BDP1: variants seen among roughly 807,000 people sequenced by gnomAD.
The protein encoded by BDP1 is BDP1 general transcription factor IIIB subunit.
BDP1 carries 169 observed loss-of-function variants against 266.6 expected under a neutral mutation model. That is an observed-to-expected ratio of 0.63 (90% CI 0.56 to 0.72). The LOEUF is 0.72. BDP1 is among the 30% of genes least tolerant of loss of function. The pLI is 0.00. For missense variants in BDP1, 3,015 were observed against 3,053.8 expected (o/e 0.99, Z 0.30); for synonymous variants, 1,090 against 1,022.4 (o/e 1.07, Z -1.26).
At chr5:71,562,225 A>ATTTTT in intron 37 of BDP1, 49 bp from the exon 38 acceptor site, 6 of 1,014,964 alleles carry the variant, frequency 5.9e-6, no homozygotes, top group Non-Finnish European at 8.4e-6. Context: ...AAAAAAAAAG[A>ATTTTT]ATGTGTCTTC....
chr5:71,535,691 C>G (rs1766554063), intron 26 of BDP1, among the ~76,000 whole-genome samples: 1 of 152,110 alleles, frequency 6.6e-6, no homozygotes, highest in African/African-American at 2.4e-5. Flanking sequence ...TCTGGAGGCT[C>G]TGAGGAAGAA....
chr5:71,494,219 CAT>C (rs1763748119), intron 11 of BDP1, among the ~76,000 whole-genome samples: 2 of 151,944 alleles, frequency 1.3e-5, no homozygotes, highest in East Asian at 3.8e-4. Context: ...GTCAGGAAAA[CAT>C]AAACACCTAG....
At position 71,461,775 on chromosome 5, in the gene BDP1, T is replaced by C. The variant is rs756786074; in HGVS notation, c.490-42T>C. 26 of 1,160,604 alleles carry C rather than the reference T, an allele frequency of 2.2e-5. No homozygotes were observed. The Admixed American group carries it at 5.3e-4, about 24-fold the overall frequency. 71.9% of individuals were successfully genotyped at this position (1,160,604 alleles called of 1,614,324 possible). A position where few individuals can be genotyped will look rare whatever the true frequency, so the allele number is the denominator to read the frequency against. On this transcript the variant is annotated intron_variant, in intron 2 of 38. Transcript: ENST00000358731. ...TTTGCATATAGTACATCTGAAATTC[T>C]TTAATATTTATAAAAGTGGATCTGT...
chr5:71,542,732 T>C (rs926521874), intron 30 of BDP1, among the ~76,000 whole-genome samples: 1 of 152,040 alleles, frequency 6.6e-6, no homozygotes, highest in Non-Finnish European at 1.5e-5. Context: ...GTATAACTTT[T>C]GACTCCCCAA....
Position 71,510,766 on chromosome 5 carries a change from C to G in BDP1, c.3674C>G (p.Thr1225Arg). 6.2e-7 allele frequency: 1 copy of G among 1,613,978 alleles called. No individual in the cohort carries two copies. The highest frequency in any genetic ancestry group is 1.1e-5 in the South Asian group (1 of 91,058). ...GTCAAGCCTGTAGGTAAAATGGAGACAGATTTGAAAGAAATTAGAGAAGAA... is the reference window on the plus strand; with the variant it reads ...GTCAAGCCTGTAGGTAAAATGGAGAGAGATTTGAAAGAAATTAGAGAAGAA... ...EEVKPVGKME[T>R]DLKEIREEIS... The change falls in exon 17 of 39, where the codon ACA (threonine) becomes AGA (arginine). Residue 1225 changes from threonine (T) to arginine (R), a missense_variant. Thr to Arg is a moderately conservative substitution (Grantham distance 71, BLOSUM62 -1). Transcript: ENST00000358731.
intron 34 of BDP1, among the ~76,000 whole-genome samples, chr5:71,550,466 AT>A (rs79905199): frequency 0.4 from 48,572 of 122,648 alleles, 8,495 homozygotes; most frequent in East Asian, 0.57. Context: ...TTAAAAAAAA[AT>A]TTTTTTTTTC....
chr5:71,530,052 CTG>C (rs1482519359), intron 25 of BDP1, among the ~76,000 whole-genome samples: 4 of 151,958 alleles, frequency 2.6e-5, no homozygotes, highest in Non-Finnish European at 5.9e-5. Context: ...AGTGGGTTAA[CTG>C]TATGTTATGT....
chr5:71,565,995 A>C lies in BDP1; in HGVS notation c.*1110A>C, dbSNP rs1234750584. ...CAGATTGTAGATAAAGAAGGCATTAAATTTATGTTTGTCTCCTTTTTCTGT... is the reference window on the plus strand; with the variant it reads ...CAGATTGTAGATAAAGAAGGCATTACATTTATGTTTGTCTCCTTTTTCTGT... On this transcript the variant is annotated 3_prime_UTR_variant, in exon 39 of 39. Coordinates refer to ENST00000358731, the MANE Select transcript of BDP1 (RefSeq NM_018429.3). The C allele has an allele frequency of 9.0e-6, 2 of 220,996 alleles. No homozygotes were observed. The highest frequency in any genetic ancestry group is 4.7e-5 in the African/African-American group (2 of 42,678). 13.7% of individuals were successfully genotyped at this position (220,996 alleles called of 1,614,324 possible).
intron 13 of BDP1, 70 bp downstream of exon 13, chr5:71,497,496 T>G: frequency 8.0e-7 from 1 of 1,253,330 alleles, no homozygotes. Flanking sequence ...GAATAAAAGT[T>G]GTTGACTTGA....
rs552593030 is a variant in BDP1 at position 71,480,277 on chromosome 5, A to ATTT, written c.1015-3537_1015-3535dup. 5.0e-4 allele frequency among the ~76,000 whole-genome samples: 52 copies of ATTT among 104,996 alleles called. 1 individual carries two copies. Among genetic ancestry groups the ATTT allele is most frequent in the African/African-American group, 1.7e-3 (48 of 27,510 alleles). 68.9% of individuals were successfully genotyped at this position (104,996 alleles called of 152,430 possible). ...AGGCGCGCACCACCATGCCCAGCTA[A>ATTT]TTTTTTTTTTTTTTTTTTTTTTTTT... On this transcript the variant is annotated intron_variant, in intron 7 of 38. Transcript: ENST00000358731.
intron 13 of BDP1, 99 bp from the exon 14 acceptor site, chr5:71,501,463 C>T (rs1052896576): frequency 1.7e-5 from 13 of 772,418 alleles, no homozygotes; most frequent in South Asian, 3.5e-5. Context: ...CTTGAGCCAC[C>T]GTGCCCGGCC....
At chr5:71,465,605 A>T (rs983506983) in intron 4 of BDP1, among the ~76,000 whole-genome samples, 3 of 152,194 alleles carry the variant, frequency 2.0e-5, no homozygotes, top group Non-Finnish European at 4.4e-5. Context: ...TGCTTGGGCC[A>T]GGCACGGTGG....
chr5:71,523,098 C>T (rs1384915247), intron 24 of BDP1, 149 bp downstream of exon 24: 2 of 534,744 alleles, frequency 3.7e-6, no homozygotes, highest in Admixed American at 7.3e-5. Flanking sequence ...TATGTATTAG[C>T]TAAGTAATTA....
intron 3 of BDP1, among the ~76,000 whole-genome samples, chr5:71,462,204 C>G (rs1761621166): frequency 6.6e-6 from 1 of 152,086 alleles, no homozygotes; most frequent in South Asian, 2.1e-4. Context: ...CTCGGGTGAT[C>G]CACCCGCTTC....
intron 34 of BDP1, 63 bp from the exon 35 acceptor site, chr5:71,553,053 A>G: frequency 1.0e-6 from 1 of 973,630 alleles, no homozygotes; most frequent in Non-Finnish European, 1.4e-6. Context: ...AGGATCCTTT[A>G]AAAAAAAAAG....
At chr5:71,523,732 T>C (rs1353984260) in intron 24 of BDP1, among the ~76,000 whole-genome samples, 1 of 152,216 alleles carries the variant, frequency 6.6e-6, no homozygotes, top group Non-Finnish European at 1.5e-5. Flanking sequence ...ATGAAAAATT[T>C]GTAGGTAGAT....
At chr5:71,482,036 G>A (rs961089088) in intron 7 of BDP1, among the ~76,000 whole-genome samples, 5 of 152,150 alleles carry the variant, frequency 3.3e-5, no homozygotes, top group East Asian at 3.8e-4. Context: ...TTTCCATTAG[G>A]ATGCACCTGA....
chr5:71,562,964 A>C, intron 38 of BDP1: 1 of 1,143,682 alleles, frequency 8.7e-7, no homozygotes, highest in Non-Finnish European at 1.1e-6. Context: ...GGGTGACTTA[A>C]GATCTTGACA....
chr5:71,543,716 A>G (rs1027609725), intron 30 of BDP1, among the ~76,000 whole-genome samples: 9 of 152,244 alleles, frequency 5.9e-5, no homozygotes, highest in African/African-American at 1.9e-4. Flanking sequence ...GGGCAACCCC[A>G]ACTACAGGTG....
Sources: gnomAD v4.1 joint callset for allele counts (sites outside exome capture counted in the v4.1 genomes callset) on GRCh38, gnomAD v4.1.1 for gene constraint, MANE v1.5 for transcripts, NCBI Gene and HGNC (gene_info 2026-07-23, HGNC 2026-07-21) for gene names.